Variants in KCNQ2 observed in about 807,000 individuals in gnomAD.
KCNQ2 encodes potassium voltage-gated channel subfamily KQT member 2.
KCNQ2 carries 14 observed loss-of-function variants against 84.8 expected under a neutral mutation model. That is an observed-to-expected ratio of 0.17 (90% confidence interval 0.11 to 0.26). The LOEUF is 0.26. Among genes scored for constraint, KCNQ2 ranks in the 10% least tolerant of loss-of-function variants. The pLI is 1.00. For missense variants in KCNQ2, 788 were observed against 1,254.0 expected (o/e 0.63, Z 5.61); for synonymous variants, 599 against 554.1 (o/e 1.08, Z -1.14).
intron 3 of KCNQ2, 100 bp from the exon 4 acceptor site, chr20:63,444,934 C>T (rs1013047398): frequency 6.8e-6 from 9 of 1,326,782 alleles, no homozygotes; most frequent in Middle Eastern, 2.2e-4. Context: ...TGCAGAGGGG[C>T]GGGAAGGTGT....
At chr20:63,439,545 G>A (rs1174827386) in intron 6 of KCNQ2, 53 bp downstream of exon 6, 10 of 1,364,298 alleles carry the variant, frequency 7.3e-6, no homozygotes, top group African/African-American at 2.9e-5. Context: ...GTCACCTCGG[G>A]AGCCTACAAG....
At position 63,442,561 on chromosome 20, in the gene KCNQ2, C is replaced by A. The variant is rs201650692; in HGVS notation, c.691-30G>T. ...GAGGCAGACGGCACCACCATCATGA[C>A]CACCATCACCAGAAGCATCACCATC... is the stretch of plus-strand genomic sequence containing the variant. On this transcript the variant is annotated intron_variant, in intron 4 of 16. Coordinates refer to ENST00000359125, the MANE Select transcript of KCNQ2 (RefSeq NM_172107.4). 1.7e-3 allele frequency: 2,628 copies of A among 1,580,702 alleles called. 38 individuals carry two copies. In the African/African-American group the frequency reaches 0.032, roughly 19 times the overall value.
chr20:63,431,424 A>G, intron 8 of KCNQ2, 55 bp from the exon 9 acceptor site: 1 of 1,581,520 alleles, frequency 6.3e-7, no homozygotes, highest in Non-Finnish European at 8.7e-7. Flanking sequence ...TTCAAAAAGA[A>G]CGGGATAAGA....
rs1314143771 is a variant in KCNQ2, at chr20:63,405,500, A to G, written c.*1144T>C. ...GCTCCAGGGGGCAGGAGAGCTAGGG[A>G]GGGCGCACAGCTGGGCTGAGGTGGG... is the stretch of plus-strand genomic sequence containing the variant. On this transcript the variant is annotated 3_prime_UTR_variant, in exon 17 of 17. Coordinates refer to ENST00000359125, the MANE Select transcript of KCNQ2 (RefSeq NM_172107.4). 1 of 152,446 alleles carries G rather than the reference A, an allele frequency of 6.6e-6. No homozygotes were observed. Among genetic ancestry groups the G allele is most frequent in the African/African-American group, 2.4e-5 (1 of 41,442 alleles). 9.4% of individuals were successfully genotyped at this position (152,446 alleles called of 1,614,324 possible).
intron 2 of KCNQ2, chr20:63,445,659 T>C: frequency 2.5e-6 from 1 of 401,058 alleles, no homozygotes; most frequent in Non-Finnish European, 4.6e-6. Context: ...ATGTCTGAGC[T>C]GGCAGGGCTG....
chr20:63,444,868 G>C (rs2081366429), intron 3 of KCNQ2, 34 bp from the exon 4 acceptor site: 1 of 1,556,920 alleles, frequency 6.4e-7, no homozygotes, highest in African/African-American at 1.4e-5. Context: ...TGAGCTGCTG[G>C]GCCGCTCCCC....
chr20:63,442,746 C>A, intron 4 of KCNQ2, among the ~76,000 whole-genome samples: 1 of 86,450 alleles, frequency 1.2e-5, no homozygotes, highest in South Asian at 5.2e-4. Context: ...TCCACCATCA[C>A]CACCATCACC....
rs1316919460 is a variant in KCNQ2, at chr20:63,401,750, C to T, written c.*4894G>A. The T allele has an allele frequency of 1.5e-5, 3 of 200,174 alleles. No homozygotes were observed. The highest frequency in any genetic ancestry group is 3.1e-5 in the Non-Finnish European group (3 of 96,644). 12.4% of individuals were successfully genotyped at this position (200,174 alleles called of 1,614,324 possible). On this transcript the variant is annotated 3_prime_UTR_variant, in exon 17 of 17. Coordinates refer to ENST00000359125, the MANE Select transcript of KCNQ2 (RefSeq NM_172107.4). ...TGGGGGCACCCGTGCACTGAGCACCCACCCCTCAGAGCTCAGCCCCCTGCT... is the reference window on the plus strand; with the variant it reads ...TGGGGGCACCCGTGCACTGAGCACCTACCCCTCAGAGCTCAGCCCCCTGCT...
Position 63,414,075 on chromosome 20 carries a change from G to C in KCNQ2, c.1631+13C>G. Reference sequence around the variant, plus strand: ...CTCACTCCCCCAGGCTCCCGGCTGGGCAGGGGCCTCACCACACGGCTCTGA... The same window carrying C: ...CTCACTCCCCCAGGCTCCCGGCTGGCCAGGGGCCTCACCACACGGCTCTGA... On this transcript the variant is annotated intron_variant, in intron 14 of 16. Coordinates refer to ENST00000359125, the MANE Select transcript of KCNQ2 (RefSeq NM_172107.4). The surrounding 1 kb of genome is among the most constrained non-coding windows in gnomAD (Gnocchi z 6.6). 6.2e-7 allele frequency: 1 copy of C among 1,602,090 alleles called. No homozygotes were observed. The highest frequency in any genetic ancestry group is 1.3e-5 in the African/African-American group (1 of 74,800).
At chr20:63,431,269 C>T in intron 9 of KCNQ2, 71 bp downstream of exon 9, 2 of 1,581,938 alleles carry the variant, frequency 1.3e-6, no homozygotes, top group Non-Finnish European at 1.7e-6. Context: ...CAGGGGCTTG[C>T]CCGGTCACAG....
rs901874315 is a variant in KCNQ2, at chr20:63,404,301, T to TG, written c.*2342dup. 1.6e-5 allele frequency: 2 copies of TG among 122,544 alleles called. No individual in the cohort carries two copies. The highest frequency in any genetic ancestry group is 6.6e-5 in the African/African-American group (2 of 30,162). 7.6% of individuals were successfully genotyped at this position (122,544 alleles called of 1,614,324 possible). Reference sequence around the variant, plus strand: ...ATACTGGGAGGGAGGAAAGAGCAGGTGGGGTCACACCTCGGCAGGGGAGGA... The same window carrying TG: ...ATACTGGGAGGGAGGAAAGAGCAGGTGGGGGTCACACCTCGGCAGGGGAGGA... On this transcript the variant is annotated 3_prime_UTR_variant, in exon 17 of 17. Transcript: ENST00000359125.
intron 7 of KCNQ2, chr20:63,437,203 G>A (rs570399204): frequency 6.6e-6 from 1 of 152,334 alleles, no homozygotes; most frequent in Admixed American, 6.5e-5. Flanking sequence ...CCTGTGGAGA[G>A]GCCCAGCTGT....
At chr20:63,463,434 G>A (rs2082005778) in intron 1 of KCNQ2, among the ~76,000 whole-genome samples, 1 of 152,084 alleles carries the variant, frequency 6.6e-6, no homozygotes, top group African/African-American at 2.4e-5. Context: ...GAGTGCTGCT[G>A]CCCTTCCCCA....
intron 12 of KCNQ2, among the ~76,000 whole-genome samples, chr20:63,417,432 G>A (rs1398945361): frequency 1.3e-5 from 2 of 152,248 alleles, no homozygotes; most frequent in East Asian, 3.9e-4. Context: ...CCAGTCACCA[G>A]AGAGAGAAGC....
chr20:63,414,014 C>T lies in KCNQ2; in HGVS notation c.1631+74G>A, dbSNP rs555305676. 2.2e-5 allele frequency: 25 copies of T among 1,123,252 alleles called. No homozygotes were observed. Among genetic ancestry groups the T allele is most frequent in the South Asian group, 1.9e-4 (15 of 80,724 alleles). 69.6% of individuals were successfully genotyped at this position (1,123,252 alleles called of 1,614,324 possible). On this transcript the variant is annotated intron_variant, in intron 14 of 16. Transcript: ENST00000359125. This position sits in a 1 kb window ranked among gnomAD's most constrained non-coding sequence, Gnocchi z 6.6. ...CGGCTCTGTCCAGCACCATGAGCAC[C>T]GGCAGCAGGCAGGACCACCGAGCGG...
chr20:63,472,476 G>C lies in KCNQ2; in HGVS notation c.-13C>G. On this transcript the variant is annotated 5_prime_UTR_variant, in exon 1 of 17. Transcript: ENST00000359125. Reference sequence around the variant, plus strand: ...ACTTCTGCACCATGGTGCCTGGCGGGAGGCGCCCCGGGTCGGGCTCAGGCT... The same window carrying C: ...ACTTCTGCACCATGGTGCCTGGCGGCAGGCGCCCCGGGTCGGGCTCAGGCT... 2 of 1,492,486 alleles carry C rather than the reference G, an allele frequency of 1.3e-6. No homozygotes were observed. Among genetic ancestry groups the C allele is most frequent in the Non-Finnish European group, 1.8e-6 (2 of 1,127,328 alleles). 92.5% of individuals were successfully genotyped at this position (1,492,486 alleles called of 1,614,324 possible).
chr20:63,429,484 T>TGGCCAC (rs2145644323), intron 9 of KCNQ2, among the ~76,000 whole-genome samples: 1 of 152,212 alleles, frequency 6.6e-6, no homozygotes, highest in African/African-American at 2.4e-5. Context: ...TACGCGGCTA[T>TGGCCAC]GGCCACGGCC....
rs745411170 is a variant in KCNQ2 at position 63,431,985 on chromosome 20, G to GAAGGCCCCACCCACAGGA, written c.1119-617_1119-616insTCCTGTGGGTGGGGCCTT. Among the ~76,000 whole-genome samples the GAAGGCCCCACCCACAGGA allele has an allele frequency of 3.9e-4, 54 of 136,898 alleles. 1 individual carries two copies. The highest frequency in any genetic ancestry group is 1.1e-3 in the Admixed American group (14 of 12,910). 89.8% of individuals were successfully genotyped at this position (136,898 alleles called of 152,430 possible). On this transcript the variant is annotated intron_variant, in intron 8 of 16. Transcript: ENST00000359125. ...CCACAGGGAAGGCCCCACCCGCAGG[G>GAAGGCCCCACCCACAGGA]AAGGCCCCACCCTCAGGGAAGGCCC...
In KCNQ2 at chr20:63,407,025, A is replaced by T. The variant is rs1801471; in HGVS notation, c.2238T>A (p.Pro746=). ...HGSLVRIPPP[P]AHERSLSAYG... Reference sequence around the variant, plus strand: ...AGGCGGACAGCGACCGCTCGTGGGCAGGCGGCGGCGGGATGCGCACCAGGG... The same window carrying T: ...AGGCGGACAGCGACCGCTCGTGGGCTGGCGGCGGCGGGATGCGCACCAGGG... Residue 746 remains proline, a synonymous_variant, in exon 17 of 17, where the codon CCT becomes CCA. Coordinates refer to ENST00000359125, the MANE Select transcript of KCNQ2 (RefSeq NM_172107.4). The surrounding 1 kb of genome is among the most constrained non-coding windows in gnomAD (Gnocchi z 7.2). 0.094 allele frequency: 143,722 copies of T among 1,522,048 alleles called. 7,776 individuals carry two copies. Among genetic ancestry groups the T allele is most frequent in the South Asian group, 0.19 (15,475 of 82,158 alleles). 94.3% of individuals were successfully genotyped at this position (1,522,048 alleles called of 1,614,324 possible).
Sources: gnomAD v4.1 joint callset for allele counts (sites outside exome capture counted in the v4.1 genomes callset) on GRCh38, gnomAD v4.1.1 for gene constraint, Gnocchi (gnomAD v3.1) non-coding constraint, MANE v1.5 for transcripts, NCBI Gene and HGNC (gene_info 2026-07-23, HGNC 2026-07-21) for gene names.